RARS1: variants seen among roughly 807,000 people sequenced by gnomAD.
The protein encoded by RARS1 is arginine--tRNA ligase, cytoplasmic.
A neutral mutation model predicts 78.7 loss-of-function variants in RARS1; 75 were observed. The observed-to-expected ratio is 0.95, with a 90% CI of 0.79 to 1.15. The LOEUF is 1.15. Ranked by LOEUF, RARS1 falls within the 50% of genes most tolerant of loss-of-function variation. The pLI is 0.00. For synonymous variants in RARS1, 273 were observed against 268.2 expected (o/e 1.02, Z -0.18); for missense variants, 787 against 787.5 (o/e 1.00, Z 0.01).
chr5:168,502,250 C>T (rs950440361), intron 9 of RARS1, 145 bp downstream of exon 9: 2 of 1,153,176 alleles, frequency 1.7e-6, no homozygotes, highest in African/African-American at 1.6e-5. Flanking sequence ...GTATCTATAC[C>T]TTCTTACACT....
chr5:168,495,026 C>A (rs1758155173), intron 5 of RARS1: 2 of 334,592 alleles, frequency 6.0e-6, no homozygotes. Flanking sequence ...TCACTTAATT[C>A]CACAAGGCAT....
At chr5:168,508,042 C>T (rs1758485458) in intron 11 of RARS1, among the ~76,000 whole-genome samples, 1 of 152,008 alleles carries the variant, frequency 6.6e-6, no homozygotes, top group African/African-American at 2.4e-5. Context: ...AAAAGAATAA[C>T]TAAGAAGACA....
At chr5:168,516,705 C>G in intron 12 of RARS1, 73 bp from the exon 13 acceptor site, 1 of 1,470,028 alleles carries the variant, frequency 6.8e-7, no homozygotes, top group Non-Finnish European at 9.4e-7. Context: ...CTACCCCAGT[C>G]TTATGCCTAT....
rs1390843527 is a variant in RARS1 at position 168,510,584 on chromosome 5, A to G, written c.1350A>G (p.Lys450=). 1.2e-6 allele frequency: 2 copies of G among 1,604,890 alleles called. No homozygotes were observed. The highest frequency in any genetic ancestry group is 1.7e-6 in the Non-Finnish European group (2 of 1,177,684). Residue 450 remains lysine (K), a synonymous_variant, in exon 12 of 15, where the codon AAA becomes AAG. Transcript: ENST00000231572. ...GFGVVLGEDK[K]KFKTRSGETV... ...TTGGGGGTTTTACATTTTTTAGGAA[A>G]AAGTTTAAAACACGTTCGGGTGAAA...
chr5:168,501,712 G>A (rs890341532), intron 8 of RARS1, among the ~76,000 whole-genome samples: 1 of 150,786 alleles, frequency 6.6e-6, no homozygotes, highest in Non-Finnish European at 1.5e-5. Flanking sequence ...GACAGAGCGA[G>A]ACTCCATCTC....
chr5:168,505,530 C>T lies in RARS1; in HGVS notation c.1058-491C>T, dbSNP rs559587608. Among the ~76,000 whole-genome samples, 282 of 152,146 alleles carry T rather than the reference C, an allele frequency of 1.9e-3. 2 individuals are homozygous for T. The highest frequency in any genetic ancestry group is 6.4e-3 in the African/African-American group (265 of 41,506). On this transcript the variant is annotated intron_variant, in intron 9 of 14. Coordinates refer to ENST00000231572, the MANE Select transcript of RARS1 (RefSeq NM_002887.4). ...GAAGGTTATGGCTCCAGCTTGAAAG[C>T]AAAGCAGATTTTCATGTTCTGGTCC...
intron 1 of RARS1, 22 bp downstream of exon 1, chr5:168,486,565 G>A (rs1167364429): frequency 6.4e-7 from 1 of 1,552,646 alleles, no homozygotes; most frequent in Admixed American, 2.0e-5. Flanking sequence ...GGAGACCGGC[G>A]GGAAGGCCTG....
chr5:168,500,691 G>T lies in RARS1; in HGVS notation c.923G>T (p.Trp308Leu), dbSNP rs781413771. The change falls in exon 8 of 15, where the codon TGG (tryptophan) becomes TTG (leucine). Residue 308 changes from tryptophan to leucine, a missense_variant. By Grantham distance (61) the Trp-to-Leu change is moderately conservative. Transcript: ENST00000231572. ...AAAAACCCAGATATTACAAAAGCTTGGAAGCTTATCTGTGATGTCTCCCGC... is the reference window on the plus strand; with the variant it reads ...AAAAACCCAGATATTACAAAAGCTTTGAAGCTTATCTGTGATGTCTCCCGC... ...QGKNPDITKAWKLICDVSRQE... is the reference protein window; with the variant it reads ...QGKNPDITKALKLICDVSRQE... 1 of 1,610,684 alleles carries T rather than the reference G, an allele frequency of 6.2e-7. No homozygotes were observed. Among genetic ancestry groups the T allele is most frequent in the Non-Finnish European group, 8.5e-7 (1 of 1,179,122 alleles).
At chr5:168,514,642 T>C (rs1204801207) in intron 12 of RARS1, among the ~76,000 whole-genome samples, 1 of 152,230 alleles carries the variant, frequency 6.6e-6, no homozygotes, top group Non-Finnish European at 1.5e-5. Flanking sequence ...ATATCTTTCA[T>C]AGCTATATAG....
chr5:168,507,537 G>A (rs937943767), intron 11 of RARS1, among the ~76,000 whole-genome samples: 3 of 152,078 alleles, frequency 2.0e-5, no homozygotes, highest in East Asian at 1.9e-4. Context: ...TCCTACAAAC[G>A]TGGTCATGCT....
At chr5:168,507,933 T>C (rs1758482569) in intron 11 of RARS1, among the ~76,000 whole-genome samples, 1 of 150,120 alleles carries the variant, frequency 6.7e-6, no homozygotes, top group Non-Finnish European at 1.5e-5. Flanking sequence ...TAATCCCAGC[T>C]AAGGATTACT....
intron 9 of RARS1, 64 bp from the exon 10 acceptor site, chr5:168,505,957 G>A: frequency 8.1e-7 from 1 of 1,228,784 alleles, no homozygotes; most frequent in East Asian, 2.4e-5. Flanking sequence ...AGTAGAATGA[G>A]TAAGCATTCA....
At chr5:168,519,026 A>G (rs1758730569) in intron 14 of RARS1, 55 bp from the exon 15 acceptor site, 1 of 1,459,236 alleles carries the variant, frequency 6.9e-7, no homozygotes, top group South Asian at 1.2e-5. Context: ...ATTCTTTAAT[A>G]ATGATTTTCA....
chr5:168,515,026 T>C (rs1758636029), intron 12 of RARS1, among the ~76,000 whole-genome samples: 1 of 152,212 alleles, frequency 6.6e-6, no homozygotes, highest in Non-Finnish European at 1.5e-5. Flanking sequence ...CAAGAATAGA[T>C]GTAGAGTTCT....
At position 168,488,597 on chromosome 5, in the gene RARS1, C is replaced by T. The variant is rs1443375803; in HGVS notation, c.46-5C>T. On this transcript the variant is annotated splice_region_variant and splice_polypyrimidine_tract_variant and intron_variant, in intron 1 of 14. Transcript: ENST00000231572. ...GGACTGAAAAAAGTGCTTTTTTTCC[C>T]ACAGGAAGAAGAGATTAAATCTCTG... The T allele has an allele frequency of 5.0e-6, 8 of 1,592,228 alleles. No individual in the cohort carries two copies. Among genetic ancestry groups the T allele is most frequent in the Non-Finnish European group, 6.8e-6 (8 of 1,174,070 alleles).
intron 12 of RARS1, among the ~76,000 whole-genome samples, chr5:168,515,246 G>A (rs1758641567): frequency 6.6e-6 from 1 of 151,910 alleles, no homozygotes; most frequent in African/African-American, 2.4e-5. Context: ...TTTTGTTTCT[G>A]TTGTCTTGAT....
chr5:168,511,856 C>A (rs564334197), intron 12 of RARS1, among the ~76,000 whole-genome samples: 1 of 151,824 alleles, frequency 6.6e-6, no homozygotes, highest in South Asian at 2.1e-4. Context: ...ATCAGTAGTT[C>A]ATATGTTTTT....
chr5:168,507,504 G>C (rs566758695), intron 11 of RARS1, among the ~76,000 whole-genome samples: 21 of 152,208 alleles, frequency 1.4e-4, no homozygotes, highest in Admixed American at 1.1e-3. Flanking sequence ...CTTAGATTTG[G>C]TAACAAAGCC....
In RARS1 at chr5:168,486,488, C is replaced by T. The variant is rs894658021; in HGVS notation, c.-11C>T. ...TTCCGTCCACTTGGCGAGTGAGACG[C>T]TGATGGGAGGATGGACGTACTGGTG... On this transcript the variant is annotated 5_prime_UTR_variant, in exon 1 of 15. Transcript: ENST00000231572. The T allele has an allele frequency of 5.8e-6, 9 of 1,557,046 alleles. No individual in the cohort carries two copies. In the South Asian group the frequency reaches 5.9e-5, roughly 10 times the overall value.
Sources: gnomAD v4.1 joint callset for allele counts (sites outside exome capture counted in the v4.1 genomes callset) on GRCh38, gnomAD v4.1.1 for gene constraint, MANE v1.5 for transcripts, NCBI Gene and HGNC (gene_info 2026-07-23, HGNC 2026-07-21) for gene names.